SERP2: variants seen among roughly 807,000 people sequenced by gnomAD.
The protein encoded by SERP2 is stress associated endoplasmic reticulum protein family member 2.
Under a neutral mutation model 9.1 loss-of-function variants are expected in SERP2, and 6 were observed. That is an observed-to-expected ratio of 0.66 (90% CI 0.36 to 1.30). The LOEUF (loss-of-function observed/expected upper bound fraction) is 1.30. Among genes scored for constraint, SERP2 ranks in the 50% most tolerant of loss-of-function variants. SERP2 has a pLI of 0.03. For synonymous variants in SERP2, 37 were observed against 27.3 expected (o/e 1.35, Z -1.10); for missense variants, 58 against 81.9 (o/e 0.71, Z 1.13).
At chr13:44,375,296 G>C (rs1182826088) in intron 1 of SERP2, among the ~76,000 whole-genome samples, 2 of 152,020 alleles carry the variant, frequency 1.3e-5, no homozygotes, top group Non-Finnish European at 2.9e-5. Context: ...TATTACGGCA[G>C]AGAAACTCTA....
intron 2 of SERP2, among the ~76,000 whole-genome samples, chr13:44,382,095 T>C (rs1015890186): frequency 6.6e-6 from 1 of 151,946 alleles, no homozygotes; most frequent in African/African-American, 2.4e-5. Context: ...AGACCTAATA[T>C]AAAACTTTAT....
chr13:44,392,014 G>A (rs996910913), intron 2 of SERP2, among the ~76,000 whole-genome samples: 1 of 151,516 alleles, frequency 6.6e-6, no homozygotes, highest in African/African-American at 2.4e-5. Context: ...GGCCAACATA[G>A]TGAAACCCCG....
intron 2 of SERP2, chr13:44,396,010 G>C (rs900443405): frequency 4.6e-5 from 13 of 283,294 alleles, no homozygotes; most frequent in East Asian, 9.0e-5. Context: ...TCAGTTACTG[G>C]TTTTCATTAT....
intron 1 of SERP2, among the ~76,000 whole-genome samples, chr13:44,375,890 A>G (rs1046878624): frequency 6.6e-6 from 1 of 152,258 alleles, no homozygotes; most frequent in African/African-American, 2.4e-5. Flanking sequence ...AAAGAAGAAA[A>G]TGGAAAAATT....
At chr13:44,377,689 C>T (rs1871742258) in intron 1 of SERP2, among the ~76,000 whole-genome samples, 1 of 152,200 alleles carries the variant, frequency 6.6e-6, no homozygotes, top group African/African-American at 2.4e-5. Context: ...CACTTTAATC[C>T]ATATTTCTCA....
rs1335542894 is a variant in SERP2 at position 44,374,080 on chromosome 13, AC to A, written c.58del (p.Gln20ArgfsTer5). 6.9e-7 allele frequency: 1 copy of A among 1,459,244 alleles called. No individual in the cohort carries two copies. The highest frequency in any genetic ancestry group is 9.2e-7 in the Non-Finnish European group (1 of 1,090,754). 90.4% of individuals were successfully genotyped at this position (1,459,244 alleles called of 1,614,324 possible). On this transcript the variant is annotated frameshift_variant, in exon 1 of 3. Coordinates refer to ENST00000379179, the MANE Select transcript of SERP2 (RefSeq NM_001010897.3). LOFTEE classifies it high-confidence loss of function. ...TAACGAGAAGCACAGCAAAAACATC[AC>A]CCAGAGGGGGAACGTAGCCAAAACC... is the stretch of plus-strand genomic sequence containing the variant. ...MANEKHSKNI[T>X]QRGNVAKTLR...
rs201908986 is a variant in SERP2 at position 44,383,552 on chromosome 13, TG to T, written c.157+3840del. 6.1e-3 allele frequency among the ~76,000 whole-genome samples: 873 copies of T among 142,082 alleles called. 76 individuals are homozygous for T. Among genetic ancestry groups the T allele is most frequent in the African/African-American group, 0.022 (814 of 37,530 alleles). The allele number at this position is 142,082 out of a possible 152,430, so 93.2% of individuals were successfully genotyped here. The stretch of plus-strand genomic sequence containing the variant: ...CCTCTCTGGAGGTTTGCGTTTTTTT[TG>T]TTTTTTTTTTTTTGAGACAGAGTCT... On this transcript the variant is annotated intron_variant, in intron 2 of 2. Coordinates refer to ENST00000379179, the MANE Select transcript of SERP2 (RefSeq NM_001010897.3).
chr13:44,385,104 C>G (rs546758693), intron 2 of SERP2, among the ~76,000 whole-genome samples: 30 of 152,344 alleles, frequency 2.0e-4, no homozygotes, highest in African/African-American at 7.0e-4. Flanking sequence ...GTCACCCTTT[C>G]TCTGTTTTAT....
At chr13:44,393,391 A>G (rs1872895347) in intron 2 of SERP2, among the ~76,000 whole-genome samples, 1 of 152,148 alleles carries the variant, frequency 6.6e-6, no homozygotes, top group African/African-American at 2.4e-5. Flanking sequence ...GTGCTGAAAA[A>G]AGAGAAATGG....
At chr13:44,377,792 C>G (rs1469179725) in intron 1 of SERP2, among the ~76,000 whole-genome samples, 1 of 152,204 alleles carries the variant, frequency 6.6e-6, no homozygotes, top group East Asian at 1.9e-4. Context: ...CTCTGCCTAA[C>G]CTAAGAAATC....
chr13:44,378,687 C>T (rs984785300), intron 1 of SERP2, among the ~76,000 whole-genome samples: 1 of 151,846 alleles, frequency 6.6e-6, no homozygotes, highest in Non-Finnish European at 1.5e-5. Flanking sequence ...TTTCACTCTC[C>T]CATTCTATTT....
chr13:44,386,980 G>A (rs1872352912), intron 2 of SERP2, among the ~76,000 whole-genome samples: 1 of 152,130 alleles, frequency 6.6e-6, no homozygotes, highest in Admixed American at 6.5e-5. Context: ...AGGCAGTGGG[G>A]CCTCTTTCCA....
intron 2 of SERP2, among the ~76,000 whole-genome samples, chr13:44,385,980 G>A (rs924003762): frequency 1.3e-5 from 2 of 152,158 alleles, no homozygotes; most frequent in Admixed American, 6.5e-5. Context: ...TGCATGTTCA[G>A]TTGCAGACTC....
intron 1 of SERP2, among the ~76,000 whole-genome samples, chr13:44,375,136 A>G (rs1271836319): frequency 1.3e-5 from 2 of 152,204 alleles, no homozygotes; most frequent in Non-Finnish European, 2.9e-5. Flanking sequence ...AGTTAAGTGG[A>G]AATCCAGCTG....
chr13:44,374,041 C>T lies in SERP2; in HGVS notation c.16C>T (p.Arg6Trp), dbSNP rs780531159. Residue 6 changes from arginine to tryptophan, a missense_variant, in exon 1 of 3, where the codon CGG (arginine) becomes TGG (tryptophan). By Grantham distance (101) the Arg-to-Trp change is moderately radical (BLOSUM62 -3). Coordinates refer to ENST00000379179, the MANE Select transcript of SERP2 (RefSeq NM_001010897.3). Reference protein sequence around the residue: MVAKQRIRMANEKHSK... With the variant: MVAKQWIRMANEKHSK... ...CGCACAAGCCATGGTGGCCAAACAG[C>T]GGATCCGGATGGCTAACGAGAAGCA... 6.3e-7 allele frequency: 1 copy of T among 1,592,062 alleles called. No individual in the cohort carries two copies.
chr13:44,374,025 C>A lies in SERP2; in HGVS notation c.-1C>A. 6.3e-7 allele frequency: 1 copy of A among 1,595,860 alleles called. No individual in the cohort carries two copies. The highest frequency in any genetic ancestry group is 8.5e-7 in the Non-Finnish European group (1 of 1,171,330). On this transcript the variant is annotated 5_prime_UTR_variant, in exon 1 of 3. Coordinates refer to ENST00000379179, the MANE Select transcript of SERP2 (RefSeq NM_001010897.3). Reference sequence around the variant, plus strand: ...TGGGAGCATTTCAGAGCGCACAAGCCATGGTGGCCAAACAGCGGATCCGGA... The same window carrying A: ...TGGGAGCATTTCAGAGCGCACAAGCAATGGTGGCCAAACAGCGGATCCGGA...
At chr13:44,380,017 ACAGAAGGTGAAACAC>A (rs1871881369) in intron 2 of SERP2, among the ~76,000 whole-genome samples, 1 of 152,208 alleles carries the variant, frequency 6.6e-6, no homozygotes, top group African/African-American at 2.4e-5. Context: ...GGGCATTAGA[ACAGAAGGTGAAACAC>A]CTGTGTGCCT....
At chr13:44,388,835 T>TATGA (rs1555259653) in intron 2 of SERP2, among the ~76,000 whole-genome samples, 2 of 152,192 alleles carry the variant, frequency 1.3e-5, no homozygotes, top group Non-Finnish European at 2.9e-5. Flanking sequence ...TCTCTCCCTG[T>TATGA]ATGAATGTGC....
intron 2 of SERP2, among the ~76,000 whole-genome samples, chr13:44,387,635 T>A (rs1402558702): frequency 6.6e-6 from 1 of 152,210 alleles, no homozygotes; most frequent in East Asian, 1.9e-4. Context: ...TTTTCTGAGC[T>A]CTGGGTGTGA....
Sources: gnomAD v4.1 joint callset for allele counts (sites outside exome capture counted in the v4.1 genomes callset) on GRCh38, gnomAD v4.1.1 for gene constraint, MANE v1.5 for transcripts, NCBI Gene and HGNC (gene_info 2026-07-23, HGNC 2026-07-21) for gene names.